The following ADGRG4 variants were observed in gnomAD, a reference collection of about 807,000 sequenced individuals.
ADGRG4 encodes G protein-coupled receptor 112.
Under a neutral mutation model 126.2 loss-of-function variants are expected in ADGRG4, and 122 were observed. That is an observed-to-expected ratio of 0.97 (90% confidence interval 0.83 to 1.12). The LOEUF (loss-of-function observed/expected upper bound fraction) is 1.12, where lower values mean the gene tolerates loss of function less well. Ranked by LOEUF, ADGRG4 falls within the 50% of genes most tolerant of loss-of-function variation. The pLI is 0.00. For synonymous variants in ADGRG4, 943 were observed against 838.7 expected, an observed-to-expected ratio of 1.12 and a Z score of -2.15; for missense variants, 2,481 against 2,251.8, an observed-to-expected ratio of 1.10 and a Z score of -2.06.
rs755426349 is a variant in ADGRG4, at chrX:136,349,335, C to A, written c.5629C>A (p.Pro1877Thr). 2.5e-6 allele frequency: 3 copies of A among 1,208,058 alleles called. No individual in the cohort carries two copies. Among genetic ancestry groups the A allele is most frequent in the South Asian group, 3.5e-5 (2 of 56,692 alleles). The change falls in exon 6 of 26, where the codon CCT (proline) becomes ACT (threonine). Residue 1877 changes from proline to threonine, a missense_variant. Transcript: ENST00000394143. The stretch of plus-strand genomic sequence containing the variant: ...AAGAATGACATCTAGTAATACCCAA[C>A]CTCTGCTTATGACTTCCTGGAACAT... ...GTRMTSSNTQPLLMTSWNIPT... is the reference protein window; with the variant it reads ...GTRMTSSNTQTLLMTSWNIPT...
chrX:136,340,466 C>T (rs759115806), intron 5 of ADGRG4, among the ~76,000 whole-genome samples: 12 of 111,575 alleles, frequency 1.1e-4, no homozygotes, highest in Non-Finnish European at 1.3e-4. Flanking sequence ...GCAAAGTCGC[C>T]TTGATGTTTT....
In ADGRG4 at chrX:136,344,799, T is replaced by A. The variant is rs201872081; in HGVS notation, c.1093T>A (p.Phe365Ile). The change falls in exon 6 of 26, where the codon TTT (phenylalanine) becomes ATT (isoleucine). Residue 365 changes from phenylalanine (F) to isoleucine (I), a missense_variant. By Grantham distance (21) the Phe-to-Ile change is conservative. Coordinates refer to ENST00000394143, the MANE Select transcript of ADGRG4 (RefSeq NM_153834.4). ...KMVEAMATEI[F>I]QPPTPSNFLS... The stretch of plus-strand genomic sequence containing the variant: ...GGTTGAAGCCATGGCTACTGAAATC[T>A]TTCAACCACCTACACCTTCTAATTT... 86 of 1,206,061 alleles carry A rather than the reference T, an allele frequency of 7.1e-5. No individual in the cohort carries two copies. The highest frequency in any genetic ancestry group is 6.7e-6 in the Non-Finnish European group (6 of 891,702).
chrX:136,376,039 C>T (rs1356578531), intron 15 of ADGRG4, among the ~76,000 whole-genome samples: 2 of 111,705 alleles, frequency 1.8e-5, no homozygotes, highest in African/African-American at 3.3e-5. Flanking sequence ...AAGACTCTTA[C>T]ATTTAAGACT....
chrX:136,325,719 T>G (rs1418289852), intron 5 of ADGRG4, among the ~76,000 whole-genome samples: 18 of 106,613 alleles, frequency 1.7e-4, no homozygotes, highest in Non-Finnish European at 2.7e-4. Flanking sequence ...CACTTTTTTT[T>G]TTTTTTTTTG....
chrX:136,356,207 A>G (rs373948539), intron 9 of ADGRG4, 42 bp downstream of exon 9: 29 of 933,600 alleles, frequency 3.1e-5, no homozygotes, highest in Middle Eastern at 2.9e-4. Context: ...GACCTATCCT[A>G]TGCCTGATTA....
chrX:136,352,977 C>T (rs765317626), intron 7 of ADGRG4, among the ~76,000 whole-genome samples: 1 of 111,998 alleles, frequency 8.9e-6, no homozygotes, highest in South Asian at 3.7e-4. Context: ...TGTGTCCTCA[C>T]ATGGACTTTC....
In ADGRG4 at chrX:136,345,416, T is replaced by A. The variant is rs140316522; in HGVS notation, c.1710T>A (p.Ser570Arg). 9 of 1,206,602 alleles carry A rather than the reference T, an allele frequency of 7.5e-6. No individual in the cohort carries two copies. The East Asian group carries it at 2.7e-4, about 36-fold the overall frequency. The part of the protein sequence containing the change: ...LTSFSFTGTE[S>R]VQTVIDAEAT... Reference sequence around the variant, plus strand: ...CCTTTTCATTTACTGGGACTGAGAGTGTACAGACAGTTATTGATGCTGAAG... The same window carrying A: ...CCTTTTCATTTACTGGGACTGAGAGAGTACAGACAGTTATTGATGCTGAAG... Residue 570 changes from serine (S) to arginine (R), a missense_variant, in exon 6 of 26, where the codon AGT (serine) becomes AGA (arginine). Coordinates refer to ENST00000394143, the MANE Select transcript of ADGRG4 (RefSeq NM_153834.4).
chrX:136,312,337 C>G (rs1310243627), intron 4 of ADGRG4, among the ~76,000 whole-genome samples: 2 of 111,909 alleles, frequency 1.8e-5, no homozygotes, highest in African/African-American at 6.5e-5. Flanking sequence ...TTTTAAACAG[C>G]TTTATTGGGC....
In ADGRG4 at chrX:136,363,534, C is replaced by A; in HGVS notation, c.7335C>A (p.Cys2445Ter). 1 of 1,201,001 alleles carries A rather than the reference C, an allele frequency of 8.3e-7. No homozygotes were observed. Among genetic ancestry groups the A allele is most frequent in the Non-Finnish European group, 1.1e-6 (1 of 885,877 alleles). ...GGGAAAAGCCAAAGTTTAAACAATG[C>A]AAATTGCTTCAAGAACTTCCTGACA... ...SQWEKPKFKQ[C>*]KLLQELPDKI... The change falls in exon 13 of 26, where the codon TGC (cysteine) becomes TGA (stop). Residue 2445 changes from cysteine to a stop codon, truncating the protein, a stop_gained. Transcript: ENST00000394143. LOFTEE classifies it high-confidence loss of function.
At position 136,372,972 on chromosome X, in the gene ADGRG4, G is replaced by T. The variant is rs1260344551; in HGVS notation, c.7684G>T (p.Ala2562Ser). 8.3e-7 allele frequency: 1 copy of T among 1,210,987 alleles called. No homozygotes were observed. Reference protein sequence around the residue: ...FSGQIANLTVAGLALAVLRGD... With the variant: ...FSGQIANLTVSGLALAVLRGD... Reference sequence around the variant, plus strand: ...TGGGCAGATAGCAAATCTGACGGTGGCCGGGCTGGCTTTGGCTGTGCTGCG... The same window carrying T: ...TGGGCAGATAGCAAATCTGACGGTGTCCGGGCTGGCTTTGGCTGTGCTGCG... Residue 2562 changes from alanine (A) to serine (S), a missense_variant, in exon 15 of 26, where the codon GCC (alanine) becomes TCC (serine). Physicochemically the swap from Ala to Ser is moderately conservative, Grantham distance 99. Coordinates refer to ENST00000394143, the MANE Select transcript of ADGRG4 (RefSeq NM_153834.4).
At position 136,344,730 on chromosome X, in the gene ADGRG4, A is replaced by G. The variant is rs749427084; in HGVS notation, c.1024A>G (p.Lys342Glu). 1.7e-6 allele frequency: 2 copies of G among 1,210,073 alleles called. No individual in the cohort carries two copies. The highest frequency in any genetic ancestry group is 2.2e-5 in the Admixed American group (1 of 45,888). Residue 342 changes from lysine to glutamate, a missense_variant, in exon 6 of 26, where the codon AAA becomes GAA. By Grantham distance (56) the Lys-to-Glu change is moderately conservative. Transcript: ENST00000394143. Reference sequence around the variant, plus strand: ...AGACAATACTACCAATTCCATGAAAAAAACGAAATCTCCATCTTCAGAAAG... The same window carrying G: ...AGACAATACTACCAATTCCATGAAAGAAACGAAATCTCCATCTTCAGAAAG... ...SIDNTTNSMK[K>E]TKSPSSESTK...
At chrX:136,387,327 T>G (rs1368686284) in intron 15 of ADGRG4, among the ~76,000 whole-genome samples, 6 of 112,320 alleles carry the variant, frequency 5.3e-5, no homozygotes, top group Admixed American at 9.4e-5. Flanking sequence ...ATCATTGTAT[T>G]GTGTTTTTTA....
intron 5 of ADGRG4, among the ~76,000 whole-genome samples, chrX:136,341,015 G>T (rs2074976033): frequency 8.9e-6 from 1 of 111,935 alleles, no homozygotes; most frequent in South Asian, 3.7e-4. Flanking sequence ...AATGTAACAT[G>T]CATTATTTCT....
intron 19 of ADGRG4, among the ~76,000 whole-genome samples, chrX:136,397,237 AG>A (rs1337403339): frequency 2.3e-4 from 26 of 111,290 alleles, no homozygotes; most frequent in African/African-American, 8.5e-4. Flanking sequence ...TCCCTGGGAG[AG>A]GGGTAACATC....
intron 5 of ADGRG4, among the ~76,000 whole-genome samples, chrX:136,338,126 T>G (rs533656107): frequency 9.1e-6 from 1 of 110,145 alleles, no homozygotes; most frequent in Non-Finnish European, 1.9e-5. Flanking sequence ...AAATTTGGTT[T>G]TGTATTCTTT....
intron 4 of ADGRG4, among the ~76,000 whole-genome samples, chrX:136,320,764 A>T (rs1239017974): frequency 2.7e-5 from 3 of 110,017 alleles, no homozygotes; most frequent in African/African-American, 6.6e-5. Context: ...AAAAAGAATT[A>T]AAAAATTTGC....
intron 13 of ADGRG4, among the ~76,000 whole-genome samples, chrX:136,371,078 G>T (rs1277578375): frequency 9.0e-6 from 1 of 111,629 alleles, no homozygotes; most frequent in African/African-American, 3.2e-5. Flanking sequence ...GGGACAAAAC[G>T]ATTTCCCTGG....
intron 3 of ADGRG4, among the ~76,000 whole-genome samples, chrX:136,306,876 G>A (rs1183313835): frequency 9.1e-6 from 1 of 110,065 alleles, no homozygotes; most frequent in African/African-American, 3.3e-5. Context: ...CACCATGCCC[G>A]GCTAATTTTG....
intron 1 of ADGRG4, among the ~76,000 whole-genome samples, chrX:136,301,808 A>G (rs1436437896): frequency 8.9e-6 from 1 of 111,818 alleles, no homozygotes; most frequent in Admixed American, 9.5e-5. Flanking sequence ...ATGGCTAGCC[A>G]GTTTTCCCAG....
Sources: gnomAD v4.1 joint callset for allele counts (sites outside exome capture counted in the v4.1 genomes callset) on GRCh38, gnomAD v4.1.1 for gene constraint, MANE v1.5 for transcripts, NCBI Gene and HGNC (gene_info 2026-07-23, HGNC 2026-07-21) for gene names.